The following DNAJC11 variants were observed in gnomAD, a reference collection of about 807,000 sequenced individuals.
The protein encoded by DNAJC11 is DnaJ heat shock protein family (Hsp40) member C11, also known as dnaJ homolog subfamily C member 11.
DNAJC11 carries 15 observed loss-of-function variants against 78.6 expected under a neutral mutation model. That is an observed-to-expected ratio of 0.19 (90% confidence interval 0.13 to 0.29). The LOEUF (loss-of-function observed/expected upper bound fraction) is 0.29, where lower values mean the gene tolerates loss of function less well. Among genes scored for constraint, DNAJC11 ranks in the 10% least tolerant of loss-of-function variants. The probability of loss-of-function intolerance (pLI) is 1.00; values close to 1 mark genes in which losing one functional copy is unlikely to be tolerated. For synonymous variants in DNAJC11, 292 were observed against 272.1 expected (o/e 1.07, Z -0.72); for missense variants, 547 against 709.6 (o/e 0.77, Z 2.60).
At chr1:6,666,035 C>T (rs180752557) in intron 4 of DNAJC11, among the ~76,000 whole-genome samples, 3 of 152,354 alleles carry the variant, frequency 2.0e-5, no homozygotes, top group South Asian at 2.1e-4. Flanking sequence ...TGATTCTCTA[C>T]CTCCATCTGA....
chr1:6,671,367 T>G (rs1486900096), intron 3 of DNAJC11, among the ~76,000 whole-genome samples: 2 of 147,226 alleles, frequency 1.4e-5, no homozygotes, highest in Non-Finnish European at 3.0e-5. Context: ...CTTAGCCTCC[T>G]GAGTAGCTGG....
At chr1:6,637,577 C>G (rs1641801341) in intron 12 of DNAJC11, 73 bp from the exon 13 acceptor site, 1 of 1,552,510 alleles carries the variant, frequency 6.4e-7, no homozygotes. Flanking sequence ...GGGCCACAGG[C>G]AGGCAGTCTT....
intron 7 of DNAJC11, 21 bp downstream of exon 7, chr1:6,651,508 G>C (rs754232537): frequency 2.4e-5 from 38 of 1,608,364 alleles, no homozygotes; most frequent in Non-Finnish European, 3.1e-5. Context: ...CCAAAGAGGA[G>C]CTGCTGTCTC....
chr1:6,659,354 G>C (rs1030482864), intron 4 of DNAJC11, among the ~76,000 whole-genome samples: 1 of 152,118 alleles, frequency 6.6e-6, no homozygotes, highest in African/African-American at 2.4e-5. Flanking sequence ...CTCTGCGTTG[G>C]CTCTGCCCTC....
intron 1 of DNAJC11, among the ~76,000 whole-genome samples, chr1:6,694,156 G>A (rs897920106): frequency 3.9e-5 from 6 of 152,018 alleles, no homozygotes; most frequent in African/African-American, 1.4e-4. Context: ...CTAAGAGATA[G>A]TTTAATTATT....
intron 4 of DNAJC11, among the ~76,000 whole-genome samples, chr1:6,660,234 G>C (rs1642188308): frequency 1.3e-5 from 2 of 149,754 alleles, no homozygotes; most frequent in African/African-American, 4.9e-5. Context: ...TCAGCTCACT[G>C]CAACCTCTGC....
At chr1:6,672,016 G>A (rs1642388960) in intron 3 of DNAJC11, among the ~76,000 whole-genome samples, 1 of 151,924 alleles carries the variant, frequency 6.6e-6, no homozygotes, top group African/African-American at 2.4e-5. Context: ...TTTATCTTTA[G>A]TAGAGATGAC....
At chr1:6,677,175 CA>C (rs1029455526) in intron 3 of DNAJC11, among the ~76,000 whole-genome samples, 2 of 106,006 alleles carry the variant, frequency 1.9e-5, no homozygotes, top group Admixed American at 1.2e-4. Flanking sequence ...AAAAAAAAAA[CA>C]AAAAAAACGA....
In DNAJC11 at chr1:6,637,560, GGTGA is replaced by G; in HGVS notation, c.1324-60_1324-57del. On this transcript the variant is annotated intron_variant, in intron 12 of 15. Transcript: ENST00000377577. The stretch of plus-strand genomic sequence containing the variant: ...GCCCTGCCAGGCCTGTTCCACCTCT[GGTGA>G]GAGGGCCACAGGCAGGCAGTCTTGT... 3 of 1,597,284 alleles carry G rather than the reference GGTGA, an allele frequency of 1.9e-6. No homozygotes were observed. In the South Asian group the frequency reaches 3.3e-5, roughly 18 times the overall value.
At chr1:6,690,856 C>T (rs1245023292) in intron 1 of DNAJC11, among the ~76,000 whole-genome samples, 1 of 152,112 alleles carries the variant, frequency 6.6e-6, no homozygotes, top group African/African-American at 2.4e-5. Context: ...CAAACAAAAA[C>T]CCTGAATTCT....
intron 6 of DNAJC11, 83 bp from the exon 7 acceptor site, chr1:6,651,685 A>G (rs1642056770): frequency 9.9e-7 from 1 of 1,011,430 alleles, no homozygotes; most frequent in Admixed American, 2.1e-5. Context: ...ACCTCTAGGT[A>G]TAATTCCTTC....
At chr1:6,663,232 T>G (rs1163629537) in intron 4 of DNAJC11, among the ~76,000 whole-genome samples, 3 of 152,178 alleles carry the variant, frequency 2.0e-5, no homozygotes, top group Non-Finnish European at 4.4e-5. Flanking sequence ...CAAACTATTT[T>G]GTCATAGGGT....
At chr1:6,656,356 G>A (rs1181096726) in intron 4 of DNAJC11, among the ~76,000 whole-genome samples, 2 of 151,820 alleles carry the variant, frequency 1.3e-5, no homozygotes, top group Non-Finnish European at 2.9e-5. Flanking sequence ...AATTGAAAAG[G>A]TCTACAGTTT....
chr1:6,667,224 G>A (rs1642307256), intron 4 of DNAJC11, among the ~76,000 whole-genome samples: 1 of 152,148 alleles, frequency 6.6e-6, no homozygotes. Context: ...TCTGCTCAAG[G>A]CCATGTGGAC....
rs767579276 is a variant in DNAJC11 at position 6,666,385 on chromosome 1, C to CTT, written c.378+1322_378+1323dup. ...AGCATTTGTTTTTTTTCTTTCTTTT[C>CTT]TTTTTTTTTTTTTTTTTTTGAGATG... On this transcript the variant is annotated intron_variant, in intron 4 of 15. Transcript: ENST00000377577. Among the ~76,000 whole-genome samples, 390 of 120,570 alleles carry CTT rather than the reference C, an allele frequency of 3.2e-3. 14 individuals carry two copies. The highest frequency in any genetic ancestry group is 0.011 in the African/African-American group (350 of 32,292). 79.1% of individuals were successfully genotyped at this position (120,570 alleles called of 152,430 possible).
chr1:6,634,612 C>A lies in DNAJC11; in HGVS notation c.*1063G>T. The A allele has an allele frequency of 7.3e-7, 1 of 1,366,360 alleles. No individual in the cohort carries two copies. Among genetic ancestry groups the A allele is most frequent in the East Asian group, 4.6e-5 (1 of 21,978 alleles). The allele number at this position is 1,366,360 out of a possible 1,614,324, so 84.6% of individuals were successfully genotyped here. ...CTTCCAGGCCCCGAGAGACAGGCCT[C>A]ACGTAACTTTACTGCAGCCGAGGTC... is the stretch of plus-strand genomic sequence containing the variant. On this transcript the variant is annotated 3_prime_UTR_variant, in exon 16 of 16. Transcript: ENST00000377577.
intron 10 of DNAJC11, among the ~76,000 whole-genome samples, chr1:6,641,622 C>G (rs746635430): frequency 1.1e-4 from 17 of 151,464 alleles, no homozygotes; most frequent in Non-Finnish European, 8.8e-5. Context: ...ACCTTGAGCT[C>G]CTGGGCTCAA....
At position 6,645,189 on chromosome 1, in the gene DNAJC11, ATCTGCCCT is replaced by A; in HGVS notation, c.895-71_895-64del. 7.5e-7 allele frequency: 1 copy of A among 1,333,724 alleles called. No individual in the cohort carries two copies. The highest frequency in any genetic ancestry group is 1.1e-6 in the Non-Finnish European group (1 of 929,552). The allele number at this position is 1,333,724 out of a possible 1,614,324, so 82.6% of individuals were successfully genotyped here. The stretch of plus-strand genomic sequence containing the variant: ...CGTGTGACTCTGTGGGGAGATGGGT[ATCTGCCCT>A]CCCACTAGCTCTGGGCATCTGCTGC... On this transcript the variant is annotated intron_variant, in intron 8 of 15. Transcript: ENST00000377577. The surrounding 1 kb of genome is among the most constrained non-coding windows in gnomAD (Gnocchi z 4.1).
Position 6,634,281 on chromosome 1 carries a change from G to C in DNAJC11, c.*1394C>G. 1.1e-6 allele frequency: 1 copy of C among 876,452 alleles called. No homozygotes were observed. The highest frequency in any genetic ancestry group is 1.7e-6 in the Non-Finnish European group (1 of 589,286). The allele number at this position is 876,452 out of a possible 1,614,324, so 54.3% of individuals were successfully genotyped here. On this transcript the variant is annotated 3_prime_UTR_variant, in exon 16 of 16. Coordinates refer to ENST00000377577, the MANE Select transcript of DNAJC11 (RefSeq NM_018198.4). ...TGCGGCAGAGGCGCACGGGAAGCCC[G>C]GGGCCCAGGCTCATGCAACACGACG...
Sources: allele counts gnomAD v4.1 joint callset (sites outside exome capture counted in the v4.1 genomes callset), GRCh38; gene constraint gnomAD v4.1.1; non-coding constraint Gnocchi (gnomAD v3.1); transcripts MANE v1.5; gene names NCBI Gene and HGNC (gene_info 2026-07-23, HGNC 2026-07-21).